Variants in CCBE1 observed in about 807,000 individuals in gnomAD.
CCBE1 encodes collagen and calcium-binding EGF domain-containing protein 1.
Under a neutral mutation model 50.0 loss-of-function variants are expected in CCBE1, and 37 were observed. That is an observed-to-expected ratio of 0.74 (90% CI 0.57 to 0.97). The LOEUF (loss-of-function observed/expected upper bound fraction) is 0.97, where lower values mean the gene tolerates loss of function less well. Ranked by LOEUF, CCBE1 falls within the 50% of genes least tolerant of loss-of-function variation. The pLI is 0.00. For missense variants in CCBE1, 538 were observed against 523.8 expected (o/e 1.03, Z -0.26); for synonymous variants, 234 against 203.7 (o/e 1.15, Z -1.27).
At chr18:59,594,724 G>C (rs2053325217) in intron 2 of CCBE1, among the ~76,000 whole-genome samples, 1 of 152,104 alleles carries the variant, frequency 6.6e-6, no homozygotes, top group African/African-American at 2.4e-5. Flanking sequence ...TTTGTCAACA[G>C]TACATCTTTA....
At chr18:59,463,597 G>A (rs565881582) in intron 5 of CCBE1, among the ~76,000 whole-genome samples, 58 of 152,250 alleles carry the variant, frequency 3.8e-4, no homozygotes, top group Non-Finnish European at 6.6e-4. Flanking sequence ...ATTCCATCCC[G>A]CTTCTCTGGT....
chr18:59,491,449 T>C, intron 2 of CCBE1, among the ~76,000 whole-genome samples: 1 of 152,246 alleles, frequency 6.6e-6, no homozygotes, highest in East Asian at 1.9e-4. Context: ...CTGTATTTTC[T>C]AAGTTTGTTT....
At chr18:59,444,921 GT>G (rs1369054669) in intron 7 of CCBE1, among the ~76,000 whole-genome samples, 9 of 151,840 alleles carry the variant, frequency 5.9e-5, no homozygotes, top group Non-Finnish European at 1.2e-4. Context: ...GAATATTGAA[GT>G]TCTTATATAT....
intron 3 of CCBE1, among the ~76,000 whole-genome samples, chr18:59,479,792 T>C (rs903148565): frequency 6.6e-6 from 1 of 152,210 alleles, no homozygotes; most frequent in African/African-American, 2.4e-5. Flanking sequence ...AGGTACTGTT[T>C]GCTGATGGTC....
At chr18:59,454,326 CCT>C (rs1911078665) in intron 6 of CCBE1, among the ~76,000 whole-genome samples, 1 of 152,176 alleles carries the variant, frequency 6.6e-6, no homozygotes, top group African/African-American at 2.4e-5. Context: ...CTCACTGCAA[CCT>C]CTGCCTCCCA....
intron 7 of CCBE1, among the ~76,000 whole-genome samples, chr18:59,445,381 T>A (rs1910624172): frequency 6.6e-6 from 1 of 152,182 alleles, no homozygotes; most frequent in Non-Finnish European, 1.5e-5. Flanking sequence ...TAAATGTTTT[T>A]TACTAAGTGA....
chr18:59,683,219 C>G (rs749322482), intron 2 of CCBE1, among the ~76,000 whole-genome samples: 7 of 152,126 alleles, frequency 4.6e-5, no homozygotes, highest in Non-Finnish European at 7.3e-5. Context: ...AGATATGCTC[C>G]TAGTGCTCTG....
At chr18:59,562,489 T>C (rs563984785) in intron 2 of CCBE1, among the ~76,000 whole-genome samples, 15 of 152,208 alleles carry the variant, frequency 9.9e-5, no homozygotes, top group African/African-American at 3.1e-4. Context: ...AATGACATAA[T>C]GTGGGCCCAC....
chr18:59,558,994 C>T (rs2052693194), intron 2 of CCBE1, among the ~76,000 whole-genome samples: 1 of 152,214 alleles, frequency 6.6e-6, no homozygotes. Context: ...TCAGCATGGG[C>T]TGGACCTGGA....
intron 2 of CCBE1, among the ~76,000 whole-genome samples, chr18:59,515,034 G>A (rs988101608): frequency 1.3e-5 from 2 of 152,140 alleles, no homozygotes; most frequent in Non-Finnish European, 1.5e-5. Context: ...TGCATGTTTA[G>A]CTATCTCCAA....
At chr18:59,586,240 G>C (rs1351578117) in intron 2 of CCBE1, among the ~76,000 whole-genome samples, 1 of 152,210 alleles carries the variant, frequency 6.6e-6, no homozygotes, top group Non-Finnish European at 1.5e-5. Context: ...TCCCTGGGAA[G>C]AAGAGGGAAT....
At chr18:59,638,403 G>A (rs971276253) in intron 2 of CCBE1, among the ~76,000 whole-genome samples, 1 of 152,156 alleles carries the variant, frequency 6.6e-6, no homozygotes, top group East Asian at 1.9e-4. Flanking sequence ...AGCAACGAAC[G>A]GTTCTTGAAG....
intron 2 of CCBE1, among the ~76,000 whole-genome samples, chr18:59,493,149 G>A (rs1598949282): frequency 6.6e-6 from 1 of 152,346 alleles, no homozygotes; most frequent in South Asian, 2.1e-4. Flanking sequence ...TCTTAAAGGA[G>A]AGAGTTTCAC....
At chr18:59,455,217 T>C (rs1911134052) in intron 5 of CCBE1, 1 of 547,882 alleles carries the variant, frequency 1.8e-6, no homozygotes, top group East Asian at 3.4e-5. Context: ...CTGATCTTCC[T>C]TTCATGTGTG....
At chr18:59,669,819 A>G (rs891955546) in intron 2 of CCBE1, among the ~76,000 whole-genome samples, 6 of 152,214 alleles carry the variant, frequency 3.9e-5, no homozygotes, top group Admixed American at 3.9e-4. Context: ...CCTAGGATAG[A>G]TTAACTATAT....
chr18:59,518,164 A>T (rs1349440256), intron 2 of CCBE1, among the ~76,000 whole-genome samples: 2 of 152,170 alleles, frequency 1.3e-5, no homozygotes, highest in Non-Finnish European at 2.9e-5. Context: ...GTCAGTTTTT[A>T]CACACATTTT....
intron 2 of CCBE1, among the ~76,000 whole-genome samples, chr18:59,598,685 G>T (rs1268297061): frequency 1.3e-5 from 2 of 152,292 alleles, no homozygotes; most frequent in East Asian, 3.9e-4. Flanking sequence ...GTAGCCAAGG[G>T]CAGAAGATGA....
At chr18:59,525,746 T>C (rs1033894076) in intron 2 of CCBE1, among the ~76,000 whole-genome samples, 1 of 152,232 alleles carries the variant, frequency 6.6e-6, no homozygotes, top group Non-Finnish European at 1.5e-5. Context: ...AACTCTTTAA[T>C]CCATCTTGAG....
chr18:59,684,957 TGGGAG>T (rs1404493753), intron 2 of CCBE1, among the ~76,000 whole-genome samples: 1 of 152,000 alleles, frequency 6.6e-6, no homozygotes, highest in Non-Finnish European at 1.5e-5. Context: ...ACAGATGGGA[TGGGAG>T]GAGAATCTTG....
Sources: allele counts gnomAD v4.1 joint callset (sites outside exome capture counted in the v4.1 genomes callset), GRCh38; gene constraint gnomAD v4.1.1; transcripts MANE v1.5; gene names NCBI Gene and HGNC (gene_info 2026-07-23, HGNC 2026-07-21).